SLC4A8: variants seen among roughly 807,000 people sequenced by gnomAD.
SLC4A8 encodes the protein electroneutral sodium bicarbonate exchanger 1.
A neutral mutation model predicts 125.0 loss-of-function variants in SLC4A8; 40 were observed. The observed-to-expected ratio is 0.32, with a 90% CI of 0.25 to 0.42. The LOEUF (loss-of-function observed/expected upper bound fraction) is 0.42, where lower values mean the gene tolerates loss of function less well. SLC4A8 is among the 10% of genes least tolerant of loss of function. SLC4A8 has a pLI of 1.00. For synonymous variants in SLC4A8, 456 were observed against 476.0 expected (o/e 0.96, Z 0.55); for missense variants, 863 against 1,355.1 (o/e 0.64, Z 5.70).
rs202065453 is a variant in SLC4A8, at chr12:51,488,639, A to T, written c.2287-60A>T. 6.5e-6 allele frequency: 8 copies of T among 1,232,992 alleles called. No homozygotes were observed. The South Asian group carries it at 1.3e-4, about 19-fold the overall frequency. The allele number at this position is 1,232,992 out of a possible 1,614,324, so 76.4% of individuals were successfully genotyped here. ...AATATGGATATTGTGATCCAGTTTG[A>T]TATGTTTTACCCCAATGACTATAAC... On this transcript the variant is annotated intron_variant, in intron 17 of 24. Coordinates refer to ENST00000453097, the MANE Select transcript of SLC4A8 (RefSeq NM_001039960.3).
chr12:51,483,354 C>CAA (rs370326518), intron 16 of SLC4A8, among the ~76,000 whole-genome samples: 2,879 of 138,178 alleles, frequency 0.021, 41 homozygotes, highest in South Asian at 0.047. Context: ...TTCTCACACA[C>CAA]AAAAAAAAAA....
Position 51,510,983 on chromosome 12 carries a change from C to G in SLC4A8, c.*3545C>G, listed in dbSNP as rs1012917861. 1 of 152,260 alleles carries G rather than the reference C, an allele frequency of 6.6e-6. No individual in the cohort carries two copies. Among genetic ancestry groups the G allele is most frequent in the South Asian group, 2.1e-4 (1 of 4,826 alleles). 9.4% of individuals were successfully genotyped at this position (152,260 alleles called of 1,614,324 possible). A position where few individuals can be genotyped will look rare whatever the true frequency, so the allele number is the denominator to read the frequency against. On this transcript the variant is annotated 3_prime_UTR_variant, in exon 25 of 25. Coordinates refer to ENST00000453097, the MANE Select transcript of SLC4A8 (RefSeq NM_001039960.3). ...GGTCCCTATGGACTGTCACCTGTTG[C>G]AGATGATGGTGATTCTCTTCTTTTT...
chr12:51,476,535 T>C (rs1434284194), intron 16 of SLC4A8, among the ~76,000 whole-genome samples: 2 of 152,108 alleles, frequency 1.3e-5, no homozygotes, highest in Non-Finnish European at 2.9e-5. Flanking sequence ...CCTTCTGATA[T>C]AGAACTGAGA....
intron 24 of SLC4A8, among the ~76,000 whole-genome samples, chr12:51,506,154 A>G (rs1938160012): frequency 6.6e-6 from 1 of 152,222 alleles, no homozygotes; most frequent in South Asian, 2.1e-4. Context: ...CACAGGTCCA[A>G]GGTCAGGAAG....
chr12:51,473,574 A>C (rs1256594834), intron 14 of SLC4A8, among the ~76,000 whole-genome samples: 1 of 152,190 alleles, frequency 6.6e-6, no homozygotes. Context: ...GTATCTTAGA[A>C]GGCATGCTTA....
intron 1 of SLC4A8, among the ~76,000 whole-genome samples, chr12:51,433,610 C>T (rs766743106): frequency 2.0e-5 from 3 of 152,082 alleles, no homozygotes; most frequent in Non-Finnish European, 4.4e-5. Context: ...ATTGAGAGAT[C>T]TTTTTTGCCA....
rs1365618179 is a variant in SLC4A8 at position 51,513,101 on chromosome 12, TC to T, written c.*5664del. The T allele has an allele frequency of 6.6e-6, 1 of 152,180 alleles. No homozygotes were observed. Among genetic ancestry groups the T allele is most frequent in the Admixed American group, 6.5e-5 (1 of 15,268 alleles). The allele number at this position is 152,180 out of a possible 1,614,324, so 9.4% of individuals were successfully genotyped here. A position where few individuals can be genotyped will look rare whatever the true frequency, so the allele number is the denominator to read the frequency against. On this transcript the variant is annotated 3_prime_UTR_variant, in exon 25 of 25. Transcript: ENST00000453097. Reference sequence around the variant, plus strand: ...AAATGATGGTGGGTGGGATCTTAGCTCTAAATGAAAAGAACTGGACTTACTA... The same window carrying T: ...AAATGATGGTGGGTGGGATCTTAGCTTAAATGAAAAGAACTGGACTTACTA...
At position 51,496,973 on chromosome 12, in the gene SLC4A8, T is replaced by C. The variant is rs79635217; in HGVS notation, c.2944-14T>C. The C allele has an allele frequency of 1.1e-5, 18 of 1,610,002 alleles. No homozygotes were observed. Among genetic ancestry groups the C allele is most frequent in the Non-Finnish European group, 1.5e-5 (18 of 1,178,892 alleles). ...AGTCCCTTTAATTCACTTTTTTTTTTAATTTTTCTTCAGGTTTTGGCCTTG... is the reference window on the plus strand; with the variant it reads ...AGTCCCTTTAATTCACTTTTTTTTTCAATTTTTCTTCAGGTTTTGGCCTTG... On this transcript the variant is annotated splice_polypyrimidine_tract_variant and intron_variant, in intron 21 of 24. Transcript: ENST00000453097.
At chr12:51,402,837 T>C (rs1948417283) in intron 1 of SLC4A8, among the ~76,000 whole-genome samples, 1 of 152,202 alleles carries the variant, frequency 6.6e-6, no homozygotes, top group African/African-American at 2.4e-5. Flanking sequence ...TTGCCAGTGA[T>C]GGGCAAAGAC....
rs150015976 is a variant in SLC4A8 at position 51,489,631 on chromosome 12, G to T, written c.2449-69G>T. ...CCTTCATGCTTTGGGCCTGAGACCC[G>T]TAGCTCACTGTTCTATGCCCTACTA... On this transcript the variant is annotated intron_variant, in intron 18 of 24. Coordinates refer to ENST00000453097, the MANE Select transcript of SLC4A8 (RefSeq NM_001039960.3). The T allele has an allele frequency of 4.4e-6, 7 of 1,586,568 alleles. No homozygotes were observed. In the South Asian group the frequency reaches 8.1e-5, roughly 18 times the overall value.
rs1181427808 is a variant in SLC4A8 at position 51,483,472 on chromosome 12, C to CT, written c.2173-2304dup. Among the ~76,000 whole-genome samples, 1,065 of 142,114 alleles carry CT rather than the reference C, an allele frequency of 7.5e-3. 7 individuals carry two copies. The highest frequency in any genetic ancestry group is 0.019 in the African/African-American group (736 of 38,906). The allele number at this position is 142,114 out of a possible 152,430, so 93.2% of individuals were successfully genotyped here. ...TTTTCTTTTTCTTTTTTTCTTTTCTCTTTTTTTTTTTAAGTCAGTAGTGGT... is the reference window on the plus strand; with the variant it reads ...TTTTCTTTTTCTTTTTTTCTTTTCTCTTTTTTTTTTTTAAGTCAGTAGTGGT... On this transcript the variant is annotated intron_variant, in intron 16 of 24. Coordinates refer to ENST00000453097, the MANE Select transcript of SLC4A8 (RefSeq NM_001039960.3).
In SLC4A8 at chr12:51,511,440, A is replaced by AGT. The variant is rs1938362957; in HGVS notation, c.*4004_*4005dup. 1 of 152,212 alleles carries AGT rather than the reference A, an allele frequency of 6.6e-6. No individual in the cohort carries two copies. The highest frequency in any genetic ancestry group is 2.4e-5 in the African/African-American group (1 of 41,430). 9.4% of individuals were successfully genotyped at this position (152,212 alleles called of 1,614,324 possible). Reference sequence around the variant, plus strand: ...AGTCTCACTCTGTCGCCCAGGCTGGAGTGCAGTGGTGCGATCTCATCTCAC... The same window carrying AGT: ...AGTCTCACTCTGTCGCCCAGGCTGGAGTGTGCAGTGGTGCGATCTCATCTCAC... On this transcript the variant is annotated 3_prime_UTR_variant, in exon 25 of 25. Transcript: ENST00000453097.
At chr12:51,501,834 TTAA>T (rs1417158434) in intron 22 of SLC4A8, 2 of 152,218 alleles carry the variant, frequency 1.3e-5, no homozygotes, top group Admixed American at 1.3e-4. Flanking sequence ...TTTTGACTTT[TTAA>T]TAATAGTCGT....
chr12:51,460,075 T>A lies in SLC4A8; in HGVS notation c.980T>A (p.Leu327His). 1 of 1,613,962 alleles carries A rather than the reference T, an allele frequency of 6.2e-7. No individual in the cohort carries two copies. Among genetic ancestry groups the A allele is most frequent in the Non-Finnish European group, 8.5e-7 (1 of 1,179,864 alleles). The change falls in exon 8 of 25, where the codon CTC becomes CAC. Residue 327 changes from leucine to histidine, a missense_variant. Physicochemically the swap from Leu to His is moderately conservative, Grantham distance 99 (BLOSUM62 -3). Transcript: ENST00000453097. ...GTGAGGCTGTCTCCAGCTGTTCTTC[T>A]CTCAGGCCTAACAGAAGTGCCAATC... ...AFVRLSPAVLLSGLTEVPIPT... is the reference protein window; with the variant it reads ...AFVRLSPAVLHSGLTEVPIPT...
intron 17 of SLC4A8, among the ~76,000 whole-genome samples, chr12:51,486,371 G>C (rs1951161410): frequency 6.6e-6 from 1 of 152,128 alleles, no homozygotes; most frequent in African/African-American, 2.4e-5. Context: ...GGGGAGAATG[G>C]AACTGAGAGG....
At chr12:51,411,534 A>T (rs1422550200) in intron 1 of SLC4A8, among the ~76,000 whole-genome samples, 2 of 152,102 alleles carry the variant, frequency 1.3e-5, no homozygotes, top group Admixed American at 1.3e-4. Flanking sequence ...GGCTACAGTG[A>T]GCGGTGATTA....
At chr12:51,464,327 C>CT (rs1950447199) in intron 11 of SLC4A8, among the ~76,000 whole-genome samples, 1 of 152,090 alleles carries the variant, frequency 6.6e-6, no homozygotes, top group South Asian at 2.1e-4. Flanking sequence ...ATGGAATGGA[C>CT]TAGGTATGAT....
At chr12:51,394,511 G>A (rs1249820754) in intron 1 of SLC4A8, among the ~76,000 whole-genome samples, 1 of 152,170 alleles carries the variant, frequency 6.6e-6, no homozygotes. Context: ...CGCTGGTACA[G>A]GCAACTTTCG....
intron 21 of SLC4A8, 82 bp downstream of exon 21, chr12:51,495,200 T>A: frequency 1.6e-6 from 2 of 1,237,884 alleles, no homozygotes; most frequent in Non-Finnish European, 2.2e-6. Flanking sequence ...AAATTTACCA[T>A]TTTTAAGTGT....
Sources: gnomAD v4.1 joint callset for allele counts (sites outside exome capture counted in the v4.1 genomes callset) on GRCh38, gnomAD v4.1.1 for gene constraint, MANE v1.5 for transcripts, NCBI Gene and HGNC (gene_info 2026-07-23, HGNC 2026-07-21) for gene names.